Variants in INSC observed in about 807,000 individuals in gnomAD.
The protein encoded by INSC is protein inscuteable homolog.
A neutral mutation model predicts 58.6 loss-of-function variants in INSC; 67 were observed. The observed-to-expected ratio is 1.14, with a 90% CI of 0.94 to 1.40. The LOEUF (loss-of-function observed/expected upper bound fraction) is 1.40. INSC is among the 40% of genes most tolerant of loss of function. The pLI is 0.00. For synonymous variants in INSC, 262 were observed against 276.1 expected, an observed-to-expected ratio of 0.95 and a Z score of 0.51; for missense variants, 714 against 692.0, an observed-to-expected ratio of 1.03 and a Z score of -0.36.
At chr11:15,157,996 A>C (rs1339156055) in intron 2 of INSC, among the ~76,000 whole-genome samples, 1 of 152,080 alleles carries the variant, frequency 6.6e-6, no homozygotes, top group Non-Finnish European at 1.5e-5. Flanking sequence ...GCTTCAGGAG[A>C]AACCAGGGGA....
At chr11:15,201,448 G>T (rs984114276) in intron 7 of INSC, among the ~76,000 whole-genome samples, 1 of 152,206 alleles carries the variant, frequency 6.6e-6, no homozygotes, top group African/African-American at 2.4e-5. Context: ...CCCAGTCCAA[G>T]TGCTCACTGG....
intron 2 of INSC, among the ~76,000 whole-genome samples, chr11:15,164,805 G>C (rs986810124): frequency 2.0e-5 from 3 of 152,116 alleles, no homozygotes; most frequent in Admixed American, 6.5e-5. Context: ...GAGGGACCAG[G>C]TGGGAGGTAA....
chr11:15,236,771 C>T (rs1437227334), intron 10 of INSC, among the ~76,000 whole-genome samples: 1 of 152,244 alleles, frequency 6.6e-6, no homozygotes, highest in African/African-American at 2.4e-5. Flanking sequence ...GTGCCCGCTG[C>T]CTCTGCTCTT....
intron 5 of INSC, among the ~76,000 whole-genome samples, chr11:15,184,777 A>G (rs1270714564): frequency 1.3e-5 from 2 of 152,242 alleles, no homozygotes; most frequent in East Asian, 3.8e-4. Context: ...GACTGAAAGC[A>G]CTGTCTTTGC....
chr11:15,229,419 C>T (rs572393428), intron 9 of INSC, among the ~76,000 whole-genome samples: 2 of 152,196 alleles, frequency 1.3e-5, no homozygotes, highest in African/African-American at 2.4e-5. Context: ...ACATATATGA[C>T]GTATTAGAAA....
At chr11:15,171,339 C>T (rs1849389962) in intron 2 of INSC, among the ~76,000 whole-genome samples, 1 of 152,144 alleles carries the variant, frequency 6.6e-6, no homozygotes, top group African/African-American at 2.4e-5. Context: ...CTGCCCTGCC[C>T]ACCCTCCAGT....
downstream of INSC, among the ~76,000 whole-genome samples, chr11:15,250,507 C>G (rs941733072): frequency 6.6e-6 from 1 of 152,190 alleles, no homozygotes; most frequent in Non-Finnish European, 1.5e-5. Context: ...TTGATAGTAT[C>G]CCTTCTAACA....
chr11:15,236,487 T>C (rs1006941112), intron 10 of INSC, among the ~76,000 whole-genome samples: 6 of 152,216 alleles, frequency 3.9e-5, no homozygotes, highest in Non-Finnish European at 8.8e-5. Context: ...CAGGGCAACC[T>C]GAATGTCTTG....
At chr11:15,257,862 C>T in the INSC span, among the ~76,000 whole-genome samples, 2 of 152,198 alleles carry the variant, frequency 1.3e-5, no homozygotes, top group South Asian at 4.2e-4. Flanking sequence ...TTCCAGCCTC[C>T]AGAACTGCAT....
At chr11:15,221,439 C>A (rs185522387) in intron 7 of INSC, 38 bp from the exon 8 acceptor site, 1 of 1,572,658 alleles carries the variant, frequency 6.4e-7, no homozygotes, top group African/African-American at 1.3e-5. Context: ...TGGTGTCCAC[C>A]CAGGATGCAC....
At chr11:15,184,283 A>C (rs973690556) in intron 5 of INSC, 1 of 153,250 alleles carries the variant, frequency 6.5e-6, no homozygotes, top group African/African-American at 2.4e-5. Flanking sequence ...TTTAGGTCTA[A>C]TTTATTTTAA....
chr11:15,260,341 C>G, the INSC span, among the ~76,000 whole-genome samples: 6 of 152,084 alleles, frequency 3.9e-5, no homozygotes, highest in Non-Finnish European at 7.4e-5. Flanking sequence ...AGCACTCTTA[C>G]GATGAAATGT....
intron 9 of INSC, among the ~76,000 whole-genome samples, chr11:15,232,255 C>T (rs1851953244): frequency 6.6e-6 from 1 of 152,176 alleles, no homozygotes; most frequent in East Asian, 1.9e-4. Context: ...GATGCTCAGC[C>T]CCCCGAGTGC....
chr11:15,253,421 C>T, the INSC span, among the ~76,000 whole-genome samples: 1 of 152,112 alleles, frequency 6.6e-6, no homozygotes, highest in Non-Finnish European at 1.5e-5. Flanking sequence ...CCTCGGACGA[C>T]CCACAGCTCC....
At chr11:15,165,580 T>A (rs1197009778) in intron 2 of INSC, among the ~76,000 whole-genome samples, 1 of 152,172 alleles carries the variant, frequency 6.6e-6, no homozygotes, top group African/African-American at 2.4e-5. Flanking sequence ...GTGGGAGCAG[T>A]GGTAACCAAC....
chr11:15,224,550 C>T (rs368890045), intron 8 of INSC, among the ~76,000 whole-genome samples: 1 of 152,124 alleles, frequency 6.6e-6, no homozygotes, highest in South Asian at 2.1e-4. Flanking sequence ...TGAAGTATGG[C>T]CTTGCCTCCT....
At chr11:15,163,645 G>A (rs1278649795) in intron 2 of INSC, among the ~76,000 whole-genome samples, 1 of 152,160 alleles carries the variant, frequency 6.6e-6, no homozygotes, top group Admixed American at 6.5e-5. Context: ...GCTGAAGTGA[G>A]TGCAGTGGTG....
At chr11:15,190,656 A>G (rs1850130803) in intron 5 of INSC, 45 bp from the exon 6 acceptor site, 2 of 1,277,362 alleles carry the variant, frequency 1.6e-6, no homozygotes, top group Non-Finnish European at 2.3e-6. Flanking sequence ...AGCAGAGGGT[A>G]GAGGTGGTGA....
chr11:15,156,244 T>G (rs1434839449), intron 2 of INSC, among the ~76,000 whole-genome samples: 2 of 151,960 alleles, frequency 1.3e-5, no homozygotes, highest in Non-Finnish European at 2.9e-5. Context: ...CAGACAAGGG[T>G]TTGAAAAAAG....
Sources: allele counts gnomAD v4.1 joint callset (sites outside exome capture counted in the v4.1 genomes callset), GRCh38; gene constraint gnomAD v4.1.1; transcripts MANE v1.5; gene names NCBI Gene and HGNC (gene_info 2026-07-23, HGNC 2026-07-21).